The following PUDP variants were observed in gnomAD, a reference collection of about 807,000 sequenced individuals.
PUDP encodes the protein pseudouridine 5'-phosphatase, also known as pseudouridine-5'-phosphatase.
Under a neutral mutation model 9.4 loss-of-function variants are expected in PUDP, and 8 were observed. The ratio of observed to expected loss-of-function variants is 0.85; its 90% confidence interval spans 0.50 to 1.53. The LOEUF (loss-of-function observed/expected upper bound fraction) is 1.53. Ranked by LOEUF, PUDP falls within the 40% of genes most tolerant of loss-of-function variation. The pLI is 0.00. For missense variants in PUDP, 188 were observed against 189.7 expected (o/e 0.99, Z 0.05); for synonymous variants, 99 against 80.7 (o/e 1.23, Z -1.22).
intron 3 of PUDP, among the ~76,000 whole-genome samples, chrX:6,905,988 G>A (rs1486525990): frequency 8.9e-6 from 1 of 111,863 alleles, no homozygotes; most frequent in Non-Finnish European, 1.9e-5. Flanking sequence ...CCATTCCTCA[G>A]GAAGTAATCT....
At chrX:7,072,641 C>A (rs1282091876) in intron 3 of PUDP, among the ~76,000 whole-genome samples, 2 of 108,712 alleles carry the variant, frequency 1.8e-5, no homozygotes, top group Non-Finnish European at 3.8e-5. Flanking sequence ...TGGTGAAACC[C>A]CATCTCTACT....
At chrX:6,762,250 TG>T (rs1925236426) in intron 3 of PUDP, among the ~76,000 whole-genome samples, 1 of 111,833 alleles carries the variant, frequency 8.9e-6, no homozygotes, top group Non-Finnish European at 1.9e-5. Flanking sequence ...CTTGACCCAA[TG>T]GTCTATATAG....
intron 1 of PUDP, among the ~76,000 whole-genome samples, chrX:7,033,491 G>A (rs756067037): frequency 2.2e-4 from 25 of 112,479 alleles, no homozygotes; most frequent in African/African-American, 8.1e-4. Context: ...TAAGTCTAAA[G>A]TTTTCATTTA....
At chrX:6,789,205 G>A (rs775960049) in intron 3 of PUDP, among the ~76,000 whole-genome samples, 5 of 110,303 alleles carry the variant, frequency 4.5e-5, no homozygotes, top group South Asian at 3.9e-4. Flanking sequence ...CAGGAGAATC[G>A]CTTGAACCCA....
rs185635286 is a variant in PUDP at position 6,746,570 on chromosome X, C to G, written c.*248-40104G>C. On this transcript the variant is annotated intron_variant and NMD_transcript_variant, in intron 3 of 3. Transcript: ENST00000655425. ...TTTCCTAATTCTCTCTCTCCCCCCA[C>G]CCCATCCCCCAACAGGCCCCAGTGT... is the stretch of plus-strand genomic sequence containing the variant. Among the ~76,000 whole-genome samples, 9 of 110,328 alleles carry G rather than the reference C, an allele frequency of 8.2e-5. No individual in the cohort carries two copies. In the Admixed American group the frequency reaches 8.7e-4, roughly 11 times the overall value.
At chrX:7,103,745 C>A (rs1366192049) in intron 2 of PUDP, among the ~76,000 whole-genome samples, 3 of 112,184 alleles carry the variant, frequency 2.7e-5, no homozygotes, top group African/African-American at 9.7e-5. Context: ...AGGATGTGCA[C>A]AGACATTTCT....
chrX:7,009,614 T>A (rs758077481), intron 1 of PUDP, among the ~76,000 whole-genome samples: 20 of 111,524 alleles, frequency 1.8e-4, no homozygotes, highest in African/African-American at 3.3e-4. Context: ...GGTTTTTTTT[T>A]AATTATTATT....
chrX:7,113,776 G>A (rs1427769534), intron 1 of PUDP, among the ~76,000 whole-genome samples: 1 of 111,921 alleles, frequency 8.9e-6, no homozygotes, highest in Non-Finnish European at 1.9e-5. Context: ...TCGAAATGAG[G>A]TCCCCGGACC....
intron 3 of PUDP, among the ~76,000 whole-genome samples, chrX:6,868,855 G>A (rs181194308): frequency 8.9e-6 from 1 of 112,009 alleles, no homozygotes; most frequent in African/African-American, 3.2e-5. Flanking sequence ...ATTATGGGGT[G>A]AGCATCTCAG....
intron 3 of PUDP, among the ~76,000 whole-genome samples, chrX:6,785,570 C>T (rs2146686154): frequency 9.0e-6 from 1 of 110,725 alleles, no homozygotes; most frequent in East Asian, 2.8e-4. Context: ...CTATTTCTTC[C>T]CATTAAAACA....
chrX:6,985,911 G>C (rs1252121135), intron 1 of PUDP, among the ~76,000 whole-genome samples: 1 of 111,461 alleles, frequency 9.0e-6, no homozygotes, highest in Non-Finnish European at 1.9e-5. Context: ...TGAGATAGGA[G>C]GTCGGCACAA....
At chrX:6,751,926 C>T (rs1436458117) in intron 3 of PUDP, among the ~76,000 whole-genome samples, 1 of 110,830 alleles carries the variant, frequency 9.0e-6, no homozygotes, top group Non-Finnish European at 1.9e-5. Flanking sequence ...CCCTCTCTGT[C>T]CTGAATCCTC....
rs774109263 is a variant in PUDP, at chrX:7,109,659, C to T, written c.62-3821G>A. On this transcript the variant is annotated intron_variant, in intron 1 of 3. Coordinates refer to ENST00000381077, the MANE Select transcript of PUDP (RefSeq NM_012080.5). ...CATTTAGATAAAATAATCCTAAATC[C>T]GTGGAATAAGAAAGGATCTAAACAA... Among the ~76,000 whole-genome samples the T allele has an allele frequency of 6.2e-5, 7 of 112,229 alleles. No individual in the cohort carries two copies. In the East Asian group the frequency reaches 1.4e-3, roughly 22 times the overall value.
chrX:6,968,655 T>A (rs1355519622), intron 3 of PUDP, among the ~76,000 whole-genome samples: 1 of 110,296 alleles, frequency 9.1e-6, no homozygotes, highest in Non-Finnish European at 1.9e-5. Flanking sequence ...TTTTTTTTTC[T>A]TTTTCCTAGG....
intron 3 of PUDP, among the ~76,000 whole-genome samples, chrX:6,746,214 C>T (rs1206177419): frequency 2.7e-5 from 3 of 112,119 alleles, no homozygotes; most frequent in African/African-American, 3.2e-5. Flanking sequence ...TGACCTTACC[C>T]AGCCCAGCTC....
chrX:6,905,950 C>A (rs749958536), intron 3 of PUDP, among the ~76,000 whole-genome samples: 1 of 112,346 alleles, frequency 8.9e-6, no homozygotes, highest in Admixed American at 9.4e-5. Flanking sequence ...AATTTTCCCT[C>A]TGGCTATGTT....
intron 3 of PUDP, among the ~76,000 whole-genome samples, chrX:6,934,540 A>G (rs1370049291): frequency 1.8e-5 from 2 of 110,659 alleles, no homozygotes; most frequent in African/African-American, 6.6e-5. Flanking sequence ...GCCAAAATGT[A>G]AAGACCATCG....
At chrX:7,072,153 G>T (rs1043607446) in intron 3 of PUDP, among the ~76,000 whole-genome samples, 2 of 111,709 alleles carry the variant, frequency 1.8e-5, no homozygotes, top group Admixed American at 9.5e-5. Context: ...TCTAAAGGCT[G>T]GTTGAAATGA....
At chrX:6,882,457 G>C (rs1927361752) in intron 3 of PUDP, among the ~76,000 whole-genome samples, 1 of 111,690 alleles carries the variant, frequency 9.0e-6, no homozygotes, top group Admixed American at 9.6e-5. Context: ...TGAATGTCAT[G>C]GCTGTCTGTG....
Sources: gnomAD v4.1 joint callset for allele counts (sites outside exome capture counted in the v4.1 genomes callset) on GRCh38, gnomAD v4.1.1 for gene constraint, MANE v1.5 for transcripts, NCBI Gene and HGNC (gene_info 2026-07-23, HGNC 2026-07-21) for gene names.